Variants in PRTFDC1 observed in about 807,000 individuals in gnomAD.
PRTFDC1 encodes the protein phosphoribosyltransferase domain-containing protein 1.
Under a neutral mutation model 34.6 loss-of-function variants are expected in PRTFDC1, and 38 were observed. That is an observed-to-expected ratio of 1.10 (90% CI 0.85 to 1.44). The LOEUF (loss-of-function observed/expected upper bound fraction) is 1.44. Ranked by LOEUF, PRTFDC1 falls within the 40% of genes most tolerant of loss-of-function variation. The pLI is 0.00. For missense variants in PRTFDC1, 270 were observed against 283.0 expected (o/e 0.95, Z 0.33); for synonymous variants, 93 against 98.1 (o/e 0.95, Z 0.31).
chr10:24,942,461 T>C, intron 1 of PRTFDC1, 25 bp from the exon 2 acceptor site: 1 of 1,570,524 alleles, frequency 6.4e-7, no homozygotes, highest in Non-Finnish European at 8.8e-7. Context: ...ATTTTGGTTA[T>C]GGTATTTTTT....
intron 3 of PRTFDC1, among the ~76,000 whole-genome samples, chr10:24,920,451 A>G (rs928712008): frequency 1.1e-4 from 17 of 152,172 alleles, no homozygotes; most frequent in Admixed American, 1.0e-3. Flanking sequence ...CAAGCACCAC[A>G]TGTTCTCATT....
intron 4 of PRTFDC1, among the ~76,000 whole-genome samples, chr10:24,859,845 A>G (rs1217932000): frequency 6.6e-6 from 1 of 152,204 alleles, no homozygotes; most frequent in African/African-American, 2.4e-5. Flanking sequence ...TAATGCCTGC[A>G]TATAAATGCT....
intron 3 of PRTFDC1, among the ~76,000 whole-genome samples, chr10:24,907,016 A>T (rs1204055204): frequency 6.6e-6 from 1 of 152,236 alleles, no homozygotes; most frequent in Non-Finnish European, 1.5e-5. Flanking sequence ...TAAAAGTCAT[A>T]TGAACACGTT....
intron 3 of PRTFDC1, among the ~76,000 whole-genome samples, chr10:24,904,923 T>A (rs1223092569): frequency 6.6e-6 from 1 of 152,200 alleles, no homozygotes; most frequent in Non-Finnish European, 1.5e-5. Flanking sequence ...CTTATCAAGA[T>A]ATCTCTACAG....
chr10:24,921,926 C>G (rs185563346), intron 3 of PRTFDC1, among the ~76,000 whole-genome samples: 4 of 152,034 alleles, frequency 2.6e-5, no homozygotes, highest in Non-Finnish European at 5.9e-5. Flanking sequence ...TGGGTTAAAA[C>G]GACAATAAAA....
chr10:24,915,657 A>G (rs1303388818), intron 3 of PRTFDC1, among the ~76,000 whole-genome samples: 1 of 152,230 alleles, frequency 6.6e-6, no homozygotes, highest in Non-Finnish European at 1.5e-5. Flanking sequence ...TATGGTGGTC[A>G]ACATTCAGTC....
intron 2 of PRTFDC1, among the ~76,000 whole-genome samples, chr10:24,939,660 G>C (rs1015791780): frequency 2.0e-5 from 3 of 151,720 alleles, no homozygotes; most frequent in Non-Finnish European, 4.4e-5. Context: ...CAGGTGTGGT[G>C]GTGCATGCTT....
chr10:24,902,485 C>A (rs1313345297), intron 3 of PRTFDC1, among the ~76,000 whole-genome samples: 5 of 152,148 alleles, frequency 3.3e-5, no homozygotes, highest in African/African-American at 1.2e-4. Context: ...AGGAAAGACC[C>A]AGTCAACTTC....
rs552398854 is a variant in PRTFDC1, at chr10:24,923,882, C to T, written c.339+13302G>A. 5.9e-5 allele frequency among the ~76,000 whole-genome samples: 9 copies of T among 152,188 alleles called. 1 individual carries two copies. In the South Asian group the frequency reaches 8.3e-4, roughly 14 times the overall value. The stretch of plus-strand genomic sequence containing the variant: ...GCTAAAGGAACATGTTCTAACTCAT[C>T]GCAAGGAAGCTAAAAACCTTGAAAA... On this transcript the variant is annotated intron_variant, in intron 3 of 8. Transcript: ENST00000320152.
At chr10:24,870,994 A>G (rs1335992955) in intron 4 of PRTFDC1, among the ~76,000 whole-genome samples, 1 of 149,616 alleles carries the variant, frequency 6.7e-6, no homozygotes, top group Non-Finnish European at 1.5e-5. Context: ...ATCATTTGAA[A>G]CCAGGAGGTG....
At chr10:24,903,145 C>A (rs184216991) in intron 3 of PRTFDC1, among the ~76,000 whole-genome samples, 1 of 152,134 alleles carries the variant, frequency 6.6e-6, no homozygotes, top group Non-Finnish European at 1.5e-5. Flanking sequence ...TTGCAGTGAG[C>A]TGAGATCGTG....
intron 2 of PRTFDC1, 128 bp downstream of exon 2, chr10:24,942,202 A>G (rs1180288238): frequency 3.0e-6 from 2 of 676,042 alleles, no homozygotes; most frequent in African/African-American, 1.8e-5. Context: ...TCACTGCCCT[A>G]TATAAAAGTT....
intron 1 of PRTFDC1, among the ~76,000 whole-genome samples, chr10:24,945,731 A>G (rs1377275836): frequency 1.3e-5 from 2 of 152,232 alleles, no homozygotes; most frequent in Non-Finnish European, 2.9e-5. Flanking sequence ...CACTGGGATT[A>G]TAAGTGTGAG....
intron 2 of PRTFDC1, among the ~76,000 whole-genome samples, chr10:24,938,052 C>G (rs1390628736): frequency 6.6e-6 from 1 of 151,430 alleles, no homozygotes; most frequent in Non-Finnish European, 1.5e-5. Context: ...GTGGTGAAAC[C>G]CCGTCTCTAC....
At chr10:24,910,167 A>T (rs1848606090) in intron 3 of PRTFDC1, among the ~76,000 whole-genome samples, 1 of 152,142 alleles carries the variant, frequency 6.6e-6, no homozygotes, top group African/African-American at 2.4e-5. Context: ...TCTCAAAAAT[A>T]AATAAATAAA....
intron 2 of PRTFDC1, 105 bp from the exon 3 acceptor site, chr10:24,937,472 A>C: frequency 9.6e-7 from 1 of 1,043,618 alleles, no homozygotes; most frequent in Non-Finnish European, 1.3e-6. Flanking sequence ...ACTCAGAGGA[A>C]TGTGGGGAAA....
intron 3 of PRTFDC1, among the ~76,000 whole-genome samples, chr10:24,921,080 G>A (rs994599464): frequency 2.0e-5 from 3 of 149,654 alleles, no homozygotes; most frequent in Non-Finnish European, 2.9e-5. Context: ...ACAACACAGC[G>A]GTTACAAGTG....
At chr10:24,858,454 A>G (rs1565256888) in intron 4 of PRTFDC1, 45 bp from the exon 5 acceptor site, 1 of 1,594,710 alleles carries the variant, frequency 6.3e-7, no homozygotes. Context: ...TGCCAATCTG[A>G]CTCACAGGAT....
At chr10:24,895,253 CT>C (rs60331186) in intron 3 of PRTFDC1, among the ~76,000 whole-genome samples, 54 of 105,180 alleles carry the variant, frequency 5.1e-4, no homozygotes, top group Non-Finnish European at 5.2e-4. Flanking sequence ...TCTCCACTTT[CT>C]TTTTTTTTTT....
Sources: gnomAD v4.1 joint callset for allele counts (sites outside exome capture counted in the v4.1 genomes callset) on GRCh38, gnomAD v4.1.1 for gene constraint, MANE v1.5 for transcripts, NCBI Gene and HGNC (gene_info 2026-07-23, HGNC 2026-07-21) for gene names.